AFG1L: variants seen among roughly 807,000 people sequenced by gnomAD.
AFG1L encodes the protein AFG1-like ATPase.
Under a neutral mutation model 62.2 loss-of-function variants are expected in AFG1L, and 53 were observed. That is an observed-to-expected ratio of 0.85 (90% CI 0.68 to 1.07). AFG1L has a LOEUF of 1.07. Ranked by LOEUF, AFG1L falls within the 50% of genes least tolerant of loss-of-function variation. The pLI is 0.00. For missense variants in AFG1L, 555 were observed against 590.5 expected (o/e 0.94, Z 0.62); for synonymous variants, 228 against 210.3 (o/e 1.08, Z -0.73).
intron 7 of AFG1L, among the ~76,000 whole-genome samples, chr6:108,407,182 G>T (rs1781895192): frequency 6.6e-6 from 1 of 151,972 alleles, no homozygotes; most frequent in South Asian, 2.1e-4. Context: ...GCCTTTGCCG[G>T]CATGGTTGGG....
At chr6:108,372,401 C>T (rs1780051640) in intron 6 of AFG1L, among the ~76,000 whole-genome samples, 2 of 149,470 alleles carry the variant, frequency 1.3e-5, no homozygotes, top group Non-Finnish European at 3.0e-5. Context: ...GTAGTCTTGG[C>T]TCACTGCAAC....
chr6:108,405,012 T>G (rs1781789299), intron 7 of AFG1L, among the ~76,000 whole-genome samples: 2 of 152,098 alleles, frequency 1.3e-5, no homozygotes, highest in Admixed American at 1.3e-4. Context: ...GTACAGGTGT[T>G]AGCCACCACA....
chr6:108,373,814 G>A (rs972021972), intron 6 of AFG1L, among the ~76,000 whole-genome samples: 2 of 152,108 alleles, frequency 1.3e-5, no homozygotes, highest in African/African-American at 2.4e-5. Flanking sequence ...CTGACATCAA[G>A]TGATCCACTT....
intron 10 of AFG1L, among the ~76,000 whole-genome samples, chr6:108,483,100 A>G (rs576420495): frequency 6.2e-4 from 95 of 152,346 alleles, no homozygotes; most frequent in African/African-American, 2.2e-3. Context: ...GAGTTGCAAT[A>G]GATTGGATGT....
intron 6 of AFG1L, among the ~76,000 whole-genome samples, chr6:108,372,104 T>C (rs544329314): frequency 1.3e-5 from 2 of 151,716 alleles, no homozygotes; most frequent in African/African-American, 4.8e-5. Flanking sequence ...TACTATTATG[T>C]ATGTATATAT....
chr6:108,431,378 A>G (rs1582576702), intron 7 of AFG1L, among the ~76,000 whole-genome samples: 1 of 152,096 alleles, frequency 6.6e-6, no homozygotes, highest in East Asian at 1.9e-4. Context: ...TGCTGGGATT[A>G]CAGGCATGAG....
chr6:108,413,907 A>G (rs1350247191), intron 7 of AFG1L, among the ~76,000 whole-genome samples: 1 of 152,232 alleles, frequency 6.6e-6, no homozygotes, highest in African/African-American at 2.4e-5. Context: ...AAGGCAAGAA[A>G]TAACTAAGAA....
intron 6 of AFG1L, among the ~76,000 whole-genome samples, chr6:108,390,614 G>A (rs1362377867): frequency 6.6e-6 from 1 of 152,214 alleles, no homozygotes; most frequent in Non-Finnish European, 1.5e-5. Context: ...AGGTCTGTTG[G>A]AGTTTGCTGG....
intron 1 of AFG1L, among the ~76,000 whole-genome samples, chr6:108,310,657 C>T (rs983589771): frequency 6.6e-6 from 1 of 150,882 alleles, no homozygotes; most frequent in Non-Finnish European, 1.5e-5. Flanking sequence ...TCACTGCAAC[C>T]TCCACCTCCC....
At chr6:108,417,666 C>T (rs1256033844) in intron 7 of AFG1L, among the ~76,000 whole-genome samples, 1 of 151,940 alleles carries the variant, frequency 6.6e-6, no homozygotes, top group African/African-American at 2.4e-5. Context: ...TTAGGTAATT[C>T]TTTTTCTCTT....
intron 2 of AFG1L, among the ~76,000 whole-genome samples, chr6:108,343,890 A>G (rs1447273390): frequency 6.6e-6 from 1 of 152,226 alleles, no homozygotes; most frequent in East Asian, 1.9e-4. Context: ...AGTGAGGTCT[A>G]GAAGGCACAA....
At chr6:108,328,793 A>G (rs151144353) in intron 2 of AFG1L, among the ~76,000 whole-genome samples, 7 of 152,206 alleles carry the variant, frequency 4.6e-5, no homozygotes, top group African/African-American at 1.7e-4. Flanking sequence ...CCAATTCAAC[A>G]ATGGTGGTTT....
chr6:108,345,190 T>G lies in AFG1L; in HGVS notation c.364-1798T>G, dbSNP rs549380592. ...TTGTAAAAATGGTGTCTTGCATTGT[T>G]GCCCAGGCTAGTCTCAAACTCCGGG... On this transcript the variant is annotated intron_variant, in intron 2 of 12. Transcript: ENST00000368977. 1.1e-3 allele frequency among the ~76,000 whole-genome samples: 166 copies of G among 152,342 alleles called. 1 individual carries two copies. In the Middle Eastern group the frequency reaches 0.017, roughly 16 times the overall value.
chr6:108,487,383 CA>C, intron 10 of AFG1L, among the ~76,000 whole-genome samples: 1 of 152,150 alleles, frequency 6.6e-6, no homozygotes, highest in East Asian at 1.9e-4. Flanking sequence ...CTACCCCCAC[CA>C]AAAAAAGATA....
chr6:108,394,526 T>TC (rs2114605874), intron 6 of AFG1L, among the ~76,000 whole-genome samples: 1 of 152,344 alleles, frequency 6.6e-6, no homozygotes, highest in East Asian at 1.9e-4. Flanking sequence ...TCTGTTGCTA[T>TC]AGATTTGTTT....
chr6:108,489,936 G>A (rs1773710758), intron 10 of AFG1L, among the ~76,000 whole-genome samples: 1 of 152,156 alleles, frequency 6.6e-6, no homozygotes, highest in South Asian at 2.1e-4. Flanking sequence ...GTGTGGGTGG[G>A]GTTGAAAAGT....
At chr6:108,302,222 C>A (rs1192195770) in intron 1 of AFG1L, among the ~76,000 whole-genome samples, 1 of 152,114 alleles carries the variant, frequency 6.6e-6, no homozygotes, top group South Asian at 2.1e-4. Flanking sequence ...GGATTACAGG[C>A]GTGAGCCATC....
chr6:108,370,718 G>T (rs1390381961), intron 6 of AFG1L, among the ~76,000 whole-genome samples: 1 of 152,146 alleles, frequency 6.6e-6, no homozygotes, highest in Non-Finnish European at 1.5e-5. Context: ...TAATTTTCTG[G>T]CTTGTACAGC....
chr6:108,479,316 T>A (rs1773244438), intron 10 of AFG1L, among the ~76,000 whole-genome samples: 1 of 152,172 alleles, frequency 6.6e-6, no homozygotes, highest in Non-Finnish European at 1.5e-5. Context: ...CTTTTGAAGT[T>A]TTTGTGATGT....
Sources: gnomAD v4.1 joint callset for allele counts (sites outside exome capture counted in the v4.1 genomes callset) on GRCh38, gnomAD v4.1.1 for gene constraint, MANE v1.5 for transcripts, NCBI Gene and HGNC (gene_info 2026-07-23, HGNC 2026-07-21) for gene names.